CDH26: variants seen among roughly 807,000 people sequenced by gnomAD.
CDH26 encodes the protein cadherin 26, also known as cadherin-like protein 26.
A neutral mutation model predicts 90.3 loss-of-function variants in CDH26; 83 were observed. The observed-to-expected ratio is 0.92, with a 90% CI of 0.77 to 1.10. The LOEUF (loss-of-function observed/expected upper bound fraction) is 1.10, where lower values mean the gene tolerates loss of function less well. CDH26 is among the 50% of genes least tolerant of loss of function. CDH26 has a pLI of 0.00. For synonymous variants in CDH26, 397 were observed against 396.3 expected, an observed-to-expected ratio of 1.00 and a Z score of -0.02; for missense variants, 1,013 against 1,037.6, an observed-to-expected ratio of 0.98 and a Z score of 0.33.
chr20:59,963,505 A>G (rs966911799), intron 1 of CDH26, among the ~76,000 whole-genome samples: 1 of 152,140 alleles, frequency 6.6e-6, no homozygotes, highest in Admixed American at 6.5e-5. Context: ...ATAAATCCAC[A>G]TGCTTAACCA....
downstream of CDH26, chr20:60,014,545 A>G (rs902055391): frequency 2.6e-5 from 4 of 152,134 alleles, no homozygotes; most frequent in African/African-American, 7.2e-5. Flanking sequence ...GTGTGAGGAC[A>G]TGTGATTTTC....
At chr20:59,997,918 G>T (rs1407252456) in intron 13 of CDH26, among the ~76,000 whole-genome samples, 1 of 152,184 alleles carries the variant, frequency 6.6e-6, no homozygotes, top group East Asian at 1.9e-4. Context: ...TCTTCCCTGC[G>T]GCATGAAGGA....
intron 11 of CDH26, 32 bp from the exon 12 acceptor site, chr20:59,995,801 C>G: frequency 6.3e-7 from 1 of 1,583,290 alleles, no homozygotes; most frequent in South Asian, 1.1e-5. Flanking sequence ...ATGAGTGAGT[C>G]AATGCATGCC....
exon 9 of CDH26, chr20:60,033,554 C>A (rs1435113265): frequency 2.3e-6 from 3 of 1,304,448 alleles, no homozygotes; most frequent in East Asian, 1.1e-4. Flanking sequence ...GAGAAATGAA[C>A]AAGGTGGGGT....
chr20:60,034,246 A>G (rs940313757), downstream of CDH26, among the ~76,000 whole-genome samples: 1 of 152,202 alleles, frequency 6.6e-6, no homozygotes, highest in African/African-American at 2.4e-5. Context: ...CCATTTGTCC[A>G]TAAAGCCACA....
At chr20:59,999,981 C>CT (rs2061654657) in intron 14 of CDH26, among the ~76,000 whole-genome samples, 1 of 152,158 alleles carries the variant, frequency 6.6e-6, no homozygotes, top group African/African-American at 2.4e-5. Flanking sequence ...TCTTAAGACA[C>CT]TTTTTTCTTA....
At chr20:59,969,104 C>A in intron 2 of CDH26, 81 bp downstream of exon 2, 1 of 816,496 alleles carries the variant, frequency 1.2e-6, no homozygotes. Flanking sequence ...GTTTGGAGTT[C>A]TTTAGTGCCC....
At chr20:60,033,224 C>A (rs2062057434) in intron 8 of CDH26, among the ~76,000 whole-genome samples, 1 of 152,086 alleles carries the variant, frequency 6.6e-6, no homozygotes, top group Non-Finnish European at 1.5e-5. Context: ...ATAGTAACAC[C>A]CCTCTTACAG....
At chr20:59,990,523 T>C (rs1299590162) in intron 9 of CDH26, among the ~76,000 whole-genome samples, 1 of 152,230 alleles carries the variant, frequency 6.6e-6, no homozygotes, top group Non-Finnish European at 1.5e-5. Context: ...ACTTCTCAAC[T>C]TATCTGTTGG....
At position 59,995,969 on chromosome 20, in the gene CDH26, C is replaced by T; in HGVS notation, c.1803C>T (p.Leu601=). Reference sequence around the variant, plus strand: ...GGATCTGCCCCTGTGCCAGTGGGCTCACATGTGTGGAGCTTGCAGATGCAG... The same window carrying T: ...GGATCTGCCCCTGTGCCAGTGGGCTTACATGTGTGGAGCTTGCAGATGCAG... The part of the protein sequence containing the change: ...HVRICPCASG[L]TCVELADAEV... The change falls in exon 12 of 18, where the codon CTC becomes CTT. Residue 601 remains leucine, a synonymous_variant. Coordinates refer to ENST00000348616, the MANE Select transcript of CDH26 (RefSeq NM_177980.4). 1.9e-6 allele frequency: 3 copies of T among 1,614,188 alleles called. No homozygotes were observed. Among genetic ancestry groups the T allele is most frequent in the Non-Finnish European group, 2.5e-6 (3 of 1,180,032 alleles).
intron 7 of CDH26, among the ~76,000 whole-genome samples, chr20:60,025,612 G>A (rs1449843188): frequency 6.6e-6 from 1 of 152,210 alleles, no homozygotes; most frequent in Non-Finnish European, 1.5e-5. Context: ...AAGGGCAGAT[G>A]AACTCGTTAC....
chr20:59,996,833 T>C, intron 13 of CDH26, 72 bp downstream of exon 13: 4 of 1,579,254 alleles, frequency 2.5e-6, no homozygotes, highest in South Asian at 1.1e-5. Context: ...CATGTATTTT[T>C]CCCCCCATTG....
chr20:60,015,902 C>T (rs1416932811), downstream of CDH26, among the ~76,000 whole-genome samples: 5 of 152,110 alleles, frequency 3.3e-5, no homozygotes, highest in Admixed American at 6.5e-5. Flanking sequence ...AATGAATGTT[C>T]GTAGTCTTTT....
Position 59,994,360 on chromosome 20 carries a change from G to T in CDH26, c.1537G>T (p.Ala513Ser). The T allele has an allele frequency of 6.2e-7, 1 of 1,614,076 alleles. No individual in the cohort carries two copies. Among genetic ancestry groups the T allele is most frequent in the Non-Finnish European group, 8.5e-7 (1 of 1,180,020 alleles). The part of the protein sequence containing the change: ...RSRYMEVCES[A>S]VHEPLHIEAE... ...CCGCTACATGGAGGTCTGTGAGTCT[G>T]CTGTGCATGAGCCCCTCCACATCGA... Residue 513 changes from alanine to serine, a missense_variant, in exon 11 of 18, where the codon GCT (alanine) becomes TCT (serine). Physicochemically the swap from Ala to Ser is moderately conservative, Grantham distance 99. Coordinates refer to ENST00000348616, the MANE Select transcript of CDH26 (RefSeq NM_177980.4).
At chr20:59,963,460 A>G (rs1462708956) in intron 1 of CDH26, among the ~76,000 whole-genome samples, 4 of 152,088 alleles carry the variant, frequency 2.6e-5, no homozygotes, top group Non-Finnish European at 5.9e-5. Flanking sequence ...CATATTGCCC[A>G]TAGAACAGGA....
In CDH26 at chr20:59,984,705, T is replaced by A. The variant is rs2061431291; in HGVS notation, c.608T>A (p.Leu203His). The change falls in exon 6 of 18, where the codon CTT (leucine) becomes CAT (histidine). Residue 203 changes from leucine to histidine, a missense_variant. By Grantham distance (99) the Leu-to-His change is moderately conservative (BLOSUM62 -3). Coordinates refer to ENST00000348616, the MANE Select transcript of CDH26 (RefSeq NM_177980.4). ...DEENTPNSQVLYFLISQTPLL... is the reference protein window; with the variant it reads ...DEENTPNSQVHYFLISQTPLL... The stretch of plus-strand genomic sequence containing the variant: ...GAAAACACTCCAAATTCTCAAGTCC[T>A]TTACTTCCTCATTTCTCAAACACCA... 1 of 1,613,894 alleles carries A rather than the reference T, an allele frequency of 6.2e-7. No homozygotes were observed. Among genetic ancestry groups the A allele is most frequent in the South Asian group, 1.1e-5 (1 of 91,060 alleles).
In CDH26 at chr20:59,970,177, C is replaced by G. The variant is rs530921974; in HGVS notation, c.222C>G (p.Leu74=). 2.5e-6 allele frequency: 4 copies of G among 1,613,808 alleles called. No individual in the cohort carries two copies. The highest frequency in any genetic ancestry group is 3.4e-6 in the Non-Finnish European group (4 of 1,179,930). ...EEEDPGPFPK[L]IGELFNNMSY... ...AAGACCCGGGACCCTTTCCCAAACT[C>G]ATTGGTGAGGTAAGGTGCCTACTCT... The change falls in exon 3 of 18, where the codon CTC becomes CTG. Residue 74 remains leucine (L), a synonymous_variant. Coordinates refer to ENST00000348616, the MANE Select transcript of CDH26 (RefSeq NM_177980.4).
chr20:60,001,039 T>C (rs2061669111), intron 14 of CDH26, among the ~76,000 whole-genome samples: 1 of 152,214 alleles, frequency 6.6e-6, no homozygotes, highest in South Asian at 2.1e-4. Flanking sequence ...TGTCACCTTC[T>C]AGATGTCATC....
intron 9 of CDH26, among the ~76,000 whole-genome samples, chr20:59,989,553 A>G (rs1328976784): frequency 6.7e-6 from 1 of 148,556 alleles, no homozygotes; most frequent in African/African-American, 2.6e-5. Context: ...AAAAAAAAAA[A>G]GAAAAGAAAA....
Sources: gnomAD v4.1 joint callset for allele counts (sites outside exome capture counted in the v4.1 genomes callset) on GRCh38, gnomAD v4.1.1 for gene constraint, MANE v1.5 for transcripts, NCBI Gene and HGNC (gene_info 2026-07-23, HGNC 2026-07-21) for gene names.